Variants in GMDS observed in about 807,000 individuals in gnomAD.
The protein encoded by GMDS is GDP-mannose 4,6-dehydratase.
Under a neutral mutation model 49.9 loss-of-function variants are expected in GMDS, and 20 were observed. The observed-to-expected ratio is 0.40, with a 90% CI of 0.28 to 0.58. GMDS has a LOEUF of 0.58. Ranked by LOEUF, GMDS falls within the 20% of genes least tolerant of loss-of-function variation. The pLI is 0.42. For synonymous variants in GMDS, 177 were observed against 178.6 expected, an observed-to-expected ratio of 0.99 and a Z score of 0.07; for missense variants, 362 against 481.4, an observed-to-expected ratio of 0.75 and a Z score of 2.32.
rs1311254943 is a variant in GMDS, at chr6:1,916,693, G to T, written c.771+13410C>A. ...AACATTTGAGAGCACAATACCACGC[G>T]CAATTAAACAAGCAAACCCACAATT... is the stretch of plus-strand genomic sequence containing the variant. On this transcript the variant is annotated intron_variant, in intron 7 of 10. Coordinates refer to ENST00000380815, the MANE Select transcript of GMDS (RefSeq NM_001500.4). Among the ~76,000 whole-genome samples the T allele has an allele frequency of 2.0e-5, 3 of 152,056 alleles. No homozygotes were observed. In the East Asian group the frequency reaches 5.8e-4, roughly 29 times the overall value.
At chr6:1,730,760 T>C (rs1039041221) in intron 8 of GMDS, among the ~76,000 whole-genome samples, 1 of 152,276 alleles carries the variant, frequency 6.6e-6, no homozygotes, top group Admixed American at 6.5e-5. Flanking sequence ...CAAGTCCTCT[T>C]ATAATAAAAT....
chr6:1,715,329 T>C (rs1435734289), intron 9 of GMDS, among the ~76,000 whole-genome samples: 1 of 152,240 alleles, frequency 6.6e-6, no homozygotes, highest in African/African-American at 2.4e-5. Context: ...AATAGTTTAA[T>C]ACACTGGTTT....
At chr6:2,189,361 G>C (rs535711870) in intron 1 of GMDS, among the ~76,000 whole-genome samples, 1 of 152,260 alleles carries the variant, frequency 6.6e-6, no homozygotes, top group South Asian at 2.1e-4. Flanking sequence ...GATTTAGGGA[G>C]AGATTTAGAG....
intron 7 of GMDS, among the ~76,000 whole-genome samples, chr6:1,868,079 C>T (rs1758528355): frequency 6.6e-6 from 1 of 151,990 alleles, no homozygotes; most frequent in Admixed American, 6.5e-5. Context: ...CTCTGCTTCC[C>T]GGGTTCAAGC....
chr6:1,853,603 C>T (rs1757810235), intron 7 of GMDS, among the ~76,000 whole-genome samples: 1 of 150,988 alleles, frequency 6.6e-6, no homozygotes, highest in South Asian at 2.1e-4. Context: ...TGGACAACCA[C>T]GTGTACAGGG....
chr6:1,823,307 C>T (rs189200634), intron 7 of GMDS, among the ~76,000 whole-genome samples: 14 of 152,124 alleles, frequency 9.2e-5, no homozygotes, highest in East Asian at 5.8e-4. Context: ...AATAAGATTC[C>T]GTATTATCTC....
intron 4 of GMDS, among the ~76,000 whole-genome samples, chr6:2,094,330 A>C (rs1249285475): frequency 6.6e-6 from 1 of 152,274 alleles, no homozygotes; most frequent in Non-Finnish European, 1.5e-5. Context: ...AACTTAACAA[A>C]GATAAATCTA....
intron 7 of GMDS, among the ~76,000 whole-genome samples, chr6:1,744,656 C>A (rs1259610625): frequency 6.6e-6 from 1 of 152,166 alleles, no homozygotes; most frequent in East Asian, 1.9e-4. Context: ...TCAAGAAGTT[C>A]CCCAAGGTGT....
chr6:2,080,617 T>C (rs1772633010), intron 4 of GMDS, among the ~76,000 whole-genome samples: 1 of 152,186 alleles, frequency 6.6e-6, no homozygotes, highest in Non-Finnish European at 1.5e-5. Flanking sequence ...CAGTAGCTTA[T>C]GGTGCAGTTA....
chr6:2,109,211 C>T (rs528338895), intron 4 of GMDS, among the ~76,000 whole-genome samples: 2 of 152,260 alleles, frequency 1.3e-5, no homozygotes, highest in South Asian at 4.1e-4. Context: ...GGACACACAG[C>T]GGCCAATGCA....
intron 7 of GMDS, among the ~76,000 whole-genome samples, chr6:1,904,428 CCAA>C (rs1760654664): frequency 6.6e-6 from 1 of 152,214 alleles, no homozygotes; most frequent in Non-Finnish European, 1.5e-5. Context: ...CTCGGCAACA[CCAA>C]CAACTGATAG....
At chr6:2,105,247 A>G (rs560392435) in intron 4 of GMDS, among the ~76,000 whole-genome samples, 4 of 152,144 alleles carry the variant, frequency 2.6e-5, no homozygotes, top group Non-Finnish European at 4.4e-5. Context: ...TATTTAATAT[A>G]AAGCAAATGC....
At chr6:1,674,560 CTTTTTTTTTTTTTTT>C (rs869292549) in intron 9 of GMDS, among the ~76,000 whole-genome samples, 2 of 73,438 alleles carry the variant, frequency 2.7e-5, no homozygotes, top group South Asian at 7.0e-4. Context: ...CTCTCTCTCT[CTTTTTTTTTTTTTTT>C]TTTTTTTTTG....
At chr6:2,141,218 T>C (rs1581704319) in intron 1 of GMDS, among the ~76,000 whole-genome samples, 1 of 152,328 alleles carries the variant, frequency 6.6e-6, no homozygotes, top group South Asian at 2.1e-4. Context: ...CATGGGCATC[T>C]GCAGTAAGAA....
intron 9 of GMDS, among the ~76,000 whole-genome samples, chr6:1,697,079 G>A (rs1485703922): frequency 8.5e-5 from 13 of 152,316 alleles, no homozygotes; most frequent in African/African-American, 2.9e-4. Context: ...CAGCCCATGC[G>A]TTACTTCAGA....
intron 1 of GMDS, among the ~76,000 whole-genome samples, chr6:2,237,199 A>G (rs1343510022): frequency 6.6e-6 from 1 of 152,234 alleles, no homozygotes; most frequent in African/African-American, 2.4e-5. Context: ...AGTCATTTCA[A>G]TGAGTAAATT....
At chr6:2,092,362 C>T (rs1773367747) in intron 4 of GMDS, among the ~76,000 whole-genome samples, 1 of 152,094 alleles carries the variant, frequency 6.6e-6, no homozygotes, top group Admixed American at 6.5e-5. Context: ...CTACAATTTT[C>T]CCTGACATCA....
chr6:1,771,975 A>G (rs182706449), intron 7 of GMDS, among the ~76,000 whole-genome samples: 1 of 134,650 alleles, frequency 7.4e-6, no homozygotes, highest in Non-Finnish European at 1.6e-5. Context: ...GCAGGCAAAG[A>G]AGGTTTTTGT....
chr6:1,994,502 A>T (rs1045941822), intron 4 of GMDS, among the ~76,000 whole-genome samples: 1 of 152,164 alleles, frequency 6.6e-6, no homozygotes, highest in Admixed American at 6.5e-5. Context: ...CCATTTACTC[A>T]GGCCAGGCAC....
Sources: gnomAD v4.1 joint callset for allele counts (sites outside exome capture counted in the v4.1 genomes callset) on GRCh38, gnomAD v4.1.1 for gene constraint, MANE v1.5 for transcripts, NCBI Gene and HGNC (gene_info 2026-07-23, HGNC 2026-07-21) for gene names.